Variants in BANP observed in about 807,000 individuals in gnomAD.
BANP encodes the protein protein BANP.
In BANP, 11 loss-of-function variants were observed where a neutral mutation model predicts 68.1. The ratio of observed to expected loss-of-function variants is 0.16; its 90% confidence interval spans 0.10 to 0.27. BANP has a LOEUF of 0.27. BANP is among the 10% of genes least tolerant of loss of function. The pLI is 1.00. For synonymous variants in BANP, 329 were observed against 303.2 expected (o/e 1.09, Z -0.88); for missense variants, 504 against 722.7 (o/e 0.70, Z 3.47).
Position 88,057,926 on chromosome 16 carries a change from A to C in BANP, c.1312-7341A>C, listed in dbSNP as rs1002155815. ...GTGGCCGCCTGTGTTCCGACAAGCC[A>C]GGCGCCGAGGCTCGGTGTGGGCCCG... On this transcript the variant is annotated intron_variant, in intron 11 of 13. Transcript: ENST00000682872. This position sits in a 1 kb window ranked among gnomAD's most constrained non-coding sequence, Gnocchi z 4.6. Among the ~76,000 whole-genome samples, 1 of 152,140 alleles carries C rather than the reference A, an allele frequency of 6.6e-6. No individual in the cohort carries two copies.
At chr16:88,012,842 C>T (rs1222545367) in intron 6 of BANP, among the ~76,000 whole-genome samples, 6 of 151,768 alleles carry the variant, frequency 4.0e-5, no homozygotes, top group African/African-American at 1.5e-4. Flanking sequence ...TTTCTATAGA[C>T]GGCCTAAGAA....
At chr16:88,048,990 G>GT (rs2082645190) in intron 11 of BANP, among the ~76,000 whole-genome samples, 1 of 152,138 alleles carries the variant, frequency 6.6e-6, no homozygotes. Context: ...CAGACCACAT[G>GT]TTTCCTCTGC....
chr16:87,993,663 C>G (rs7194586), intron 4 of BANP, among the ~76,000 whole-genome samples: 1 of 151,130 alleles, frequency 6.6e-6, no homozygotes, highest in Admixed American at 6.6e-5. Context: ...TGCAGTGGGG[C>G]GATCTCTTAC....
chr16:87,949,954 T>C (rs367775341), upstream of BANP, among the ~76,000 whole-genome samples: 3 of 151,028 alleles, frequency 2.0e-5, no homozygotes, highest in East Asian at 2.0e-4. Context: ...CTCGGCTCAC[T>C]GCAAGCTCCG....
intron 11 of BANP, among the ~76,000 whole-genome samples, chr16:88,046,091 C>T (rs558715084): frequency 2.0e-5 from 3 of 152,308 alleles, no homozygotes; most frequent in East Asian, 1.9e-4. Flanking sequence ...GGTGAGTAGG[C>T]GGGCTGTGGT....
chr16:88,045,335 A>G (rs992811258), intron 11 of BANP, among the ~76,000 whole-genome samples: 5 of 152,152 alleles, frequency 3.3e-5, no homozygotes, highest in African/African-American at 7.2e-5. Flanking sequence ...ATGCCCCTCT[A>G]CGCCATCCAC....
Position 88,055,643 on chromosome 16 carries a change from A to AGT in BANP, c.1312-9614_1312-9613dup, listed in dbSNP as rs754615392. On this transcript the variant is annotated intron_variant, in intron 11 of 13. Transcript: ENST00000682872. ...TTTTTTGGAGAGAGCGAGGAGAAGG[A>AGT]GTGTGTGTGTGCAGGGTGTCTTTAT... Among the ~76,000 whole-genome samples, 5 of 152,244 alleles carry AGT rather than the reference A, an allele frequency of 3.3e-5. No homozygotes were observed. In the East Asian group the frequency reaches 7.7e-4, roughly 24 times the overall value.
intron 8 of BANP, among the ~76,000 whole-genome samples, chr16:88,031,580 C>T (rs543928276): frequency 1.6e-4 from 24 of 149,396 alleles, no homozygotes; most frequent in African/African-American, 5.4e-4. Flanking sequence ...ACTTGGGAGG[C>T]GGAAGTTGCA....
chr16:88,074,441 T>C (rs926607389), intron 13 of BANP, among the ~76,000 whole-genome samples: 8 of 151,316 alleles, frequency 5.3e-5, no homozygotes, highest in Non-Finnish European at 1.5e-5. Context: ...GGTAGGGGGG[T>C]GCCATTTGCA....
chr16:88,021,551 G>T (rs2076027035), intron 7 of BANP, among the ~76,000 whole-genome samples: 1 of 152,240 alleles, frequency 6.6e-6, no homozygotes, highest in Non-Finnish European at 1.5e-5. Context: ...GGCTAGGCGT[G>T]CCTGCGTGGC....
intron 11 of BANP, among the ~76,000 whole-genome samples, chr16:88,056,023 C>T (rs895522986): frequency 5.9e-5 from 9 of 152,326 alleles, no homozygotes; most frequent in African/African-American, 2.2e-4. Flanking sequence ...CTCCTGCTGC[C>T]TTGCTGGGGG....
chr16:88,002,124 C>G lies in BANP; in HGVS notation c.363-2171C>G, dbSNP rs2069579544. On this transcript the variant is annotated intron_variant, in intron 4 of 13. Transcript: ENST00000682872. This position sits in a 1 kb window ranked among gnomAD's most constrained non-coding sequence, Gnocchi z 4.6. ...ATCAATGGATGATTATGTTTGACTG[C>G]TTAGATGAGACAGGATTCCATGTTG... Among the ~76,000 whole-genome samples the G allele has an allele frequency of 6.6e-6, 1 of 152,216 alleles. No homozygotes were observed. The highest frequency in any genetic ancestry group is 1.5e-5 in the Non-Finnish European group (1 of 68,016).
intron 1 of BANP, among the ~76,000 whole-genome samples, chr16:87,967,254 C>CTTTTTTTTTTTTTTTTT (rs573550962): frequency 9.3e-6 from 1 of 106,992 alleles, no homozygotes; most frequent in Non-Finnish European, 1.9e-5. Context: ...GGAAAAGGTT[C>CTTTTTTTTTTTTTTTTT]TTTTTTTTTT....
At position 88,036,745 on chromosome 16, in the gene BANP, A is replaced by G. The variant is rs1176254661; in HGVS notation, c.1273-1228A>G. 6.6e-6 allele frequency among the ~76,000 whole-genome samples: 1 copy of G among 152,152 alleles called. No individual in the cohort carries two copies. Among genetic ancestry groups the G allele is most frequent in the East Asian group, 1.9e-4 (1 of 5,198 alleles). ...CTAAGAAACGTGGTCAGATGGATGG[A>G]TGGAAGGAAGCAGCAGGGCGGGGAG... On this transcript the variant is annotated intron_variant, in intron 10 of 13. Coordinates refer to ENST00000682872, the MANE Select transcript of BANP (RefSeq NM_001386991.1). The surrounding 1 kb of genome is among the most constrained non-coding windows in gnomAD (Gnocchi z 4.2).
At chr16:88,013,308 AGTG>A (rs1411904040) in intron 6 of BANP, among the ~76,000 whole-genome samples, 1 of 152,230 alleles carries the variant, frequency 6.6e-6, no homozygotes, top group Non-Finnish European at 1.5e-5. Context: ...AGGCCTCTGA[AGTG>A]GTGGAGGTGT....
At chr16:88,073,649 TGCCTCA>T (rs1172978837) in intron 13 of BANP, among the ~76,000 whole-genome samples, 1 of 152,184 alleles carries the variant, frequency 6.6e-6, no homozygotes, top group African/African-American at 2.4e-5. Context: ...CAGGCGTGGC[TGCCTCA>T]GCCCCTGCCG....
chr16:88,050,521 A>G (rs1216765979), intron 11 of BANP, among the ~76,000 whole-genome samples: 1 of 152,090 alleles, frequency 6.6e-6, no homozygotes, highest in Admixed American at 6.5e-5. Context: ...GGTTGTGTTG[A>G]GCATCTTGAA....
chr16:87,977,748 G>A (rs534174664), intron 2 of BANP, among the ~76,000 whole-genome samples: 3 of 152,260 alleles, frequency 2.0e-5, no homozygotes, highest in Admixed American at 1.3e-4. Flanking sequence ...CTGACTTGGC[G>A]TGTACCAACT....
chr16:87,992,030 T>C (rs2065993550), intron 4 of BANP, among the ~76,000 whole-genome samples: 1 of 152,258 alleles, frequency 6.6e-6, no homozygotes, highest in African/African-American at 2.4e-5. Context: ...TGAAGAAGTT[T>C]CCTTCTATTC....
Sources: gnomAD v4.1 joint callset for allele counts (sites outside exome capture counted in the v4.1 genomes callset) on GRCh38, gnomAD v4.1.1 for gene constraint, Gnocchi (gnomAD v3.1) non-coding constraint, MANE v1.5 for transcripts, NCBI Gene and HGNC (gene_info 2026-07-23, HGNC 2026-07-21) for gene names.